Variants in SNX4 observed in about 807,000 individuals in gnomAD.
SNX4 encodes sorting nexin-4.
SNX4 carries 49 observed loss-of-function variants against 70.8 expected under a neutral mutation model. That is an observed-to-expected ratio of 0.69 (90% CI 0.55 to 0.88). The LOEUF (loss-of-function observed/expected upper bound fraction) is 0.88, where lower values mean the gene tolerates loss of function less well. Ranked by LOEUF, SNX4 falls within the 40% of genes least tolerant of loss-of-function variation. The pLI is 0.00. For synonymous variants in SNX4, 206 were observed against 183.8 expected (o/e 1.12, Z -0.98); for missense variants, 528 against 544.8 (o/e 0.97, Z 0.31).
At chr3:125,509,928 G>C (rs1435729113) in intron 1 of SNX4, among the ~76,000 whole-genome samples, 1 of 152,020 alleles carries the variant, frequency 6.6e-6, no homozygotes, top group Non-Finnish European at 1.5e-5. Flanking sequence ...CTATTAGAAT[G>C]GCTACTATGA....
At chr3:125,457,504 G>T in intron 10 of SNX4, 139 bp from the exon 11 acceptor site, 4 of 500,818 alleles carry the variant, frequency 8.0e-6, no homozygotes, top group Non-Finnish European at 1.5e-5. Flanking sequence ...TTAAAATGTA[G>T]TAGCCCAACA....
At chr3:125,467,386 C>T (rs868586590) in intron 9 of SNX4, among the ~76,000 whole-genome samples, 36 of 151,706 alleles carry the variant, frequency 2.4e-4, no homozygotes, top group African/African-American at 8.0e-4. Context: ...GACTCCATCT[C>T]AGAAAAAATG....
At chr3:125,476,907 A>T in intron 7 of SNX4, 151 bp from the exon 8 acceptor site, 1 of 553,064 alleles carries the variant, frequency 1.8e-6, no homozygotes. Flanking sequence ...CATCCCCCTA[A>T]AACTAAAACC....
At chr3:125,478,244 T>A (rs989978252) in intron 7 of SNX4, among the ~76,000 whole-genome samples, 13 of 151,768 alleles carry the variant, frequency 8.6e-5, no homozygotes, top group Non-Finnish European at 1.5e-4. Flanking sequence ...CACGCCCAGC[T>A]AGTTTTTGTA....
chr3:125,495,205 CAT>C (rs1934756340), intron 5 of SNX4, among the ~76,000 whole-genome samples: 1 of 138,050 alleles, frequency 7.2e-6, no homozygotes, highest in Admixed American at 7.9e-5. Context: ...AACTGCCAAA[CAT>C]ATGACCTCCA....
At chr3:125,507,191 G>GAAAAAAAAAAAAAAAAAA (rs753584700) in intron 1 of SNX4, among the ~76,000 whole-genome samples, 1 of 90,822 alleles carries the variant, frequency 1.1e-5, no homozygotes. Flanking sequence ...CTGGGTGATA[G>GAAAAAAAAAAAAAAAAAA]AAAAAAAAAA....
intron 13 of SNX4, chr3:125,449,390 G>T (rs972909568): frequency 6.6e-6 from 1 of 151,416 alleles, no homozygotes; most frequent in Non-Finnish European, 1.5e-5. Context: ...TTGCACTCCA[G>T]CCTGGGTGAC....
intron 1 of SNX4, among the ~76,000 whole-genome samples, chr3:125,506,175 T>C (rs1351818342): frequency 1.3e-5 from 2 of 151,982 alleles, no homozygotes; most frequent in Admixed American, 6.6e-5. Flanking sequence ...TACCACATTA[T>C]TACATGCAAA....
chr3:125,452,448 C>T (rs1214267166), intron 12 of SNX4, among the ~76,000 whole-genome samples: 1 of 151,940 alleles, frequency 6.6e-6, no homozygotes, highest in Admixed American at 6.6e-5. Context: ...TTTAGCCAGG[C>T]TTGGTAGCCG....
At chr3:125,512,723 G>A (rs937017252) in intron 1 of SNX4, among the ~76,000 whole-genome samples, 7 of 151,814 alleles carry the variant, frequency 4.6e-5, no homozygotes, top group Non-Finnish European at 5.9e-5. Context: ...TCAAACTCCC[G>A]GGCTCAAGCA....
intron 1 of SNX4, among the ~76,000 whole-genome samples, 184 bp from the exon 2 acceptor site, chr3:125,504,928 A>G (rs1281918824): frequency 6.6e-6 from 1 of 152,208 alleles, no homozygotes; most frequent in Non-Finnish European, 1.5e-5. Flanking sequence ...CAACAAACAA[A>G]AGTACATTAA....
chr3:125,474,141 A>G (rs919431702), intron 8 of SNX4, among the ~76,000 whole-genome samples: 2 of 152,134 alleles, frequency 1.3e-5, no homozygotes, highest in African/African-American at 4.8e-5. Context: ...CCATGGTAAC[A>G]GGAGCTCAGT....
chr3:125,495,312 T>G (rs1421421328), intron 5 of SNX4, among the ~76,000 whole-genome samples: 1 of 95,348 alleles, frequency 1.0e-5, no homozygotes, highest in Non-Finnish European at 2.4e-5. Flanking sequence ...GTTATTTACA[T>G]ATGATTGTGG....
At chr3:125,508,860 A>C (rs1376673840) in intron 1 of SNX4, among the ~76,000 whole-genome samples, 3 of 152,112 alleles carry the variant, frequency 2.0e-5, no homozygotes, top group Non-Finnish European at 4.4e-5. Flanking sequence ...CCGACACAAA[A>C]ACTAACTTTA....
At chr3:125,451,029 G>A (rs113350021) in intron 13 of SNX4, among the ~76,000 whole-genome samples, 3 of 152,262 alleles carry the variant, frequency 2.0e-5, no homozygotes, top group African/African-American at 4.8e-5. Context: ...ACTTTGGGAG[G>A]CCGAGGCAGG....
At chr3:125,448,187 T>C (rs1039442753) in intron 13 of SNX4, among the ~76,000 whole-genome samples, 1 of 151,528 alleles carries the variant, frequency 6.6e-6, no homozygotes, top group Non-Finnish European at 1.5e-5. Context: ...GGCTGGAGTA[T>C]AATCATGGCT....
chr3:125,460,053 G>A (rs1933836249), intron 10 of SNX4, among the ~76,000 whole-genome samples: 1 of 151,838 alleles, frequency 6.6e-6, no homozygotes, highest in Non-Finnish European at 1.5e-5. Context: ...AATTAGCTGG[G>A]TGTGTTGGCG....
At chr3:125,494,420 T>C (rs945176839) in intron 5 of SNX4, among the ~76,000 whole-genome samples, 1 of 152,162 alleles carries the variant, frequency 6.6e-6, no homozygotes, top group Non-Finnish European at 1.5e-5. Context: ...ATGGGAATAT[T>C]AACTCACCTC....
intron 9 of SNX4, among the ~76,000 whole-genome samples, chr3:125,468,629 T>C (rs1934093720): frequency 6.6e-6 from 1 of 152,134 alleles, no homozygotes; most frequent in Non-Finnish European, 1.5e-5. Flanking sequence ...GAGGATTGCT[T>C]AAGGCCAGGA....
Sources: gnomAD v4.1 joint callset for allele counts (sites outside exome capture counted in the v4.1 genomes callset) on GRCh38, gnomAD v4.1.1 for gene constraint, MANE v1.5 for transcripts, NCBI Gene and HGNC (gene_info 2026-07-23, HGNC 2026-07-21) for gene names.